SNX13: variants seen among roughly 807,000 people sequenced by gnomAD.
SNX13 encodes the protein sorting nexin 13.
Under a neutral mutation model 133.6 loss-of-function variants are expected in SNX13, and 45 were observed. The observed-to-expected ratio is 0.34, with a 90% confidence interval of 0.27 to 0.43. SNX13 has a LOEUF of 0.43. Ranked by LOEUF, SNX13 falls within the 20% of genes least tolerant of loss-of-function variation. The pLI, the probability that SNX13 is intolerant of heterozygous loss-of-function variation, is 1.00. For synonymous variants in SNX13, 414 were observed against 373.9 expected, an observed-to-expected ratio of 1.11 and a Z score of -1.24; for missense variants, 1,032 against 1,145.1, an observed-to-expected ratio of 0.90 and a Z score of 1.43.
At chr7:17,819,892 A>AACACAC (rs61318514) in intron 18 of SNX13, among the ~76,000 whole-genome samples, 2 of 150,030 alleles carry the variant, frequency 1.3e-5, no homozygotes, top group Non-Finnish European at 3.0e-5. Context: ...CTTTATAAGA[A>AACACAC]ACACACACAC....
chr7:17,815,245 C>T (rs2128297963), intron 19 of SNX13, among the ~76,000 whole-genome samples: 1 of 152,232 alleles, frequency 6.6e-6, no homozygotes, highest in Non-Finnish European at 1.5e-5. Context: ...CTAAGAAGAT[C>T]CACGTTAGAA....
chr7:17,867,694 A>G (rs1793569202), intron 9 of SNX13, among the ~76,000 whole-genome samples: 2 of 152,146 alleles, frequency 1.3e-5, no homozygotes, highest in South Asian at 4.1e-4. Flanking sequence ...ACAATCAAGT[A>G]ATTCTTTCTT....
At chr7:17,819,389 G>A (rs1386573648) in intron 18 of SNX13, among the ~76,000 whole-genome samples, 4 of 151,972 alleles carry the variant, frequency 2.6e-5, no homozygotes, top group Non-Finnish European at 4.4e-5. Flanking sequence ...CTACAGCCCA[G>A]CTAATTTTTT....
At chr7:17,828,426 A>G (rs886688107) in intron 16 of SNX13, among the ~76,000 whole-genome samples, 3 of 151,688 alleles carry the variant, frequency 2.0e-5, no homozygotes, top group African/African-American at 7.2e-5. Flanking sequence ...CAAATTTATA[A>G]TGATAGTCAT....
At chr7:17,877,045 GAAAAA>G (rs57618763) in intron 5 of SNX13, among the ~76,000 whole-genome samples, 19 of 60,074 alleles carry the variant, frequency 3.2e-4, no homozygotes, top group African/African-American at 5.7e-4. Context: ...GTTACTTTTT[GAAAAA>G]AAAAAAAAAA....
intron 2 of SNX13, among the ~76,000 whole-genome samples, chr7:17,895,219 C>T (rs1013582701): frequency 1.3e-5 from 2 of 152,084 alleles, no homozygotes; most frequent in Non-Finnish European, 2.9e-5. Flanking sequence ...TTAAAAGAAC[C>T]TAAATAGTAG....
At chr7:17,837,113 G>C (rs914383128) in intron 13 of SNX13, among the ~76,000 whole-genome samples, 4 of 151,828 alleles carry the variant, frequency 2.6e-5, no homozygotes, top group Non-Finnish European at 5.9e-5. Flanking sequence ...CCAATGTGAA[G>C]GATCAAGTTA....
At chr7:17,829,552 T>C (rs1283183627) in intron 16 of SNX13, among the ~76,000 whole-genome samples, 1 of 149,944 alleles carries the variant, frequency 6.7e-6, no homozygotes, top group Non-Finnish European at 1.5e-5. Context: ...TTTGTTTTAG[T>C]GTAGACTTAA....
intron 15 of SNX13, among the ~76,000 whole-genome samples, chr7:17,832,795 A>C (rs1172064211): frequency 6.6e-6 from 1 of 151,502 alleles, no homozygotes; most frequent in Non-Finnish European, 1.5e-5. Context: ...TAATTTAAAA[A>C]CCCAAGGCAT....
intron 11 of SNX13, among the ~76,000 whole-genome samples, chr7:17,846,810 T>C (rs1229032992): frequency 1.3e-5 from 2 of 152,164 alleles, no homozygotes. Flanking sequence ...TTCTTCAAAT[T>C]GTATCACCTC....
intron 1 of SNX13, among the ~76,000 whole-genome samples, chr7:17,909,316 G>A (rs1465657666): frequency 6.6e-6 from 1 of 152,230 alleles, no homozygotes; most frequent in East Asian, 1.9e-4. Context: ...ACTAGAGGCA[G>A]AAATACGACT....
At chr7:17,820,545 T>C (rs1016317198) in intron 18 of SNX13, among the ~76,000 whole-genome samples, 8 of 152,130 alleles carry the variant, frequency 5.3e-5, no homozygotes, top group Non-Finnish European at 1.2e-4. Context: ...CCTTTTAATA[T>C]AGGCTTCAGA....
chr7:17,855,729 T>C (rs998225778), intron 9 of SNX13, among the ~76,000 whole-genome samples: 30 of 152,222 alleles, frequency 2.0e-4, no homozygotes, highest in African/African-American at 6.0e-4. Context: ...ACACACCTGG[T>C]CGCCCCAGAG....
intron 5 of SNX13, among the ~76,000 whole-genome samples, chr7:17,885,046 G>T (rs1180425951): frequency 1.3e-5 from 2 of 152,020 alleles, no homozygotes; most frequent in South Asian, 4.1e-4. Context: ...ACTTGTACAT[G>T]AATACTCATA....
In SNX13 at chr7:17,811,802, T is replaced by C. The variant is rs545511166; in HGVS notation, c.2064+3032A>G. On this transcript the variant is annotated intron_variant, in intron 20 of 25. Transcript: ENST00000428135. ...TGGTACTGGTACCAAAACAGATATA[T>C]AGACCAATGGAACAGAACGGAGGCC... Among the ~76,000 whole-genome samples the C allele has an allele frequency of 4.7e-3, 718 of 152,216 alleles. 2 individuals are homozygous for C. The highest frequency in any genetic ancestry group is 7.6e-3 in the Non-Finnish European group (517 of 68,000).
chr7:17,940,272 G>C lies in SNX13; in HGVS notation c.12+12C>G, dbSNP rs772807508. 3.2e-6 allele frequency: 5 copies of C among 1,559,512 alleles called. No homozygotes were observed. Among genetic ancestry groups the C allele is most frequent in the Admixed American group, 1.9e-5 (1 of 51,994 alleles). ...ATTTCACAGGTAAACACTGGCCACCGTCGCCGCTTACCTCAGTTAACATTA... is the reference window on the plus strand; with the variant it reads ...ATTTCACAGGTAAACACTGGCCACCCTCGCCGCTTACCTCAGTTAACATTA... On this transcript the variant is annotated intron_variant, in intron 1 of 25. Transcript: ENST00000428135.
rs1280299886 is a variant in SNX13, at chr7:17,902,550, C to CATA, written c.13-5107_13-5105dup. On this transcript the variant is annotated intron_variant, in intron 1 of 25. Transcript: ENST00000428135. ...AGGAAAAACATTTGATCTAATGCCA[C>CATA]ATAAAAATAATTGGGTTCTAATTAT... Among the ~76,000 whole-genome samples, 4 of 152,038 alleles carry CATA rather than the reference C, an allele frequency of 2.6e-5. No individual in the cohort carries two copies. The East Asian group carries it at 7.7e-4, about 29-fold the overall frequency.
intron 1 of SNX13, among the ~76,000 whole-genome samples, chr7:17,898,592 T>C (rs142993821): frequency 2.0e-5 from 3 of 152,198 alleles, no homozygotes; most frequent in Non-Finnish European, 4.4e-5. Flanking sequence ...TAAGTTCACA[T>C]ACCTTCATAA....
At chr7:17,912,290 G>A (rs1008658247) in intron 1 of SNX13, among the ~76,000 whole-genome samples, 4 of 152,154 alleles carry the variant, frequency 2.6e-5, no homozygotes, top group African/African-American at 9.7e-5. Context: ...CCCAGGCCAT[G>A]GGAGAGCGCC....
Sources: gnomAD v4.1 joint callset for allele counts (sites outside exome capture counted in the v4.1 genomes callset) on GRCh38, gnomAD v4.1.1 for gene constraint, MANE v1.5 for transcripts, NCBI Gene and HGNC (gene_info 2026-07-23, HGNC 2026-07-21) for gene names.